Variants in QTMAN observed in about 807,000 individuals in gnomAD.
QTMAN encodes the protein queuosine-tRNA mannosyltransferase, also known as tRNA-queuosine alpha-mannosyltransferase.
At chr2:144,126,309 G>GAAAC in the QTMAN span, among the ~76,000 whole-genome samples, 51 of 151,162 alleles carry the variant, frequency 3.4e-4, no homozygotes, top group South Asian at 1.3e-3. Flanking sequence ...ATAACAACAA[G>GAAAC]AAACAAACAA....
the QTMAN span, among the ~76,000 whole-genome samples, chr2:143,968,270 C>G: frequency 6.6e-6 from 1 of 152,160 alleles, no homozygotes; most frequent in Non-Finnish European, 1.5e-5. Flanking sequence ...ATATGCTATC[C>G]CTTCCTGTGG....
chr2:144,206,276 T>C, the QTMAN span, among the ~76,000 whole-genome samples: 22,948 of 152,146 alleles, frequency 0.15, 2,800 homozygotes, highest in African/African-American at 0.34. Context: ...TTTCATGCAC[T>C]AAATATACAA....
the QTMAN span, among the ~76,000 whole-genome samples, chr2:144,078,296 A>T: frequency 6.6e-6 from 1 of 152,244 alleles, no homozygotes; most frequent in Non-Finnish European, 1.5e-5. Flanking sequence ...GTGTCACTAT[A>T]GTCCTACACT....
the QTMAN span, among the ~76,000 whole-genome samples, chr2:144,191,559 T>C: frequency 6.6e-6 from 1 of 152,298 alleles, no homozygotes; most frequent in East Asian, 1.9e-4. Context: ...AAAGAATACA[T>C]TATAAATTTT....
chr2:144,118,829 C>T, the QTMAN span, among the ~76,000 whole-genome samples: 32 of 152,128 alleles, frequency 2.1e-4, no homozygotes, highest in Admixed American at 1.4e-3. Flanking sequence ...TGCAGTGAGC[C>T]GAGATCGCAC....
At chr2:144,009,452 C>T in the QTMAN span, among the ~76,000 whole-genome samples, 1 of 152,210 alleles carries the variant, frequency 6.6e-6, no homozygotes, top group Admixed American at 6.5e-5. Flanking sequence ...GAAACAAGGT[C>T]TTTGGCTGTA....
the QTMAN span, among the ~76,000 whole-genome samples, chr2:143,990,075 G>A: frequency 0.04 from 6,078 of 152,006 alleles, 236 homozygotes; most frequent in East Asian, 0.17. Context: ...TATTTACTAT[G>A]TGCAGCCAGG....
the QTMAN span, chr2:144,317,351 C>G: frequency 1.8e-5 from 2 of 113,186 alleles, no homozygotes; most frequent in Non-Finnish European, 1.7e-5. Context: ...TGGTATGCAA[C>G]AAGATCTTCA....
At chr2:144,215,683 A>G in the QTMAN span, among the ~76,000 whole-genome samples, 2 of 152,314 alleles carry the variant, frequency 1.3e-5, no homozygotes, top group South Asian at 4.1e-4. Context: ...AATTCGTTCT[A>G]CTGAATACTA....
the QTMAN span, among the ~76,000 whole-genome samples, chr2:143,970,110 T>C: frequency 6.6e-6 from 1 of 152,202 alleles, no homozygotes; most frequent in South Asian, 2.1e-4. Flanking sequence ...AAAGGCTCCG[T>C]GTGGCATTAA....
chr2:144,231,675 T>C, the QTMAN span, among the ~76,000 whole-genome samples: 2 of 152,212 alleles, frequency 1.3e-5, no homozygotes, highest in East Asian at 1.9e-4. Context: ...AATAAATAAA[T>C]AGGACAATTC....
the QTMAN span, among the ~76,000 whole-genome samples, chr2:144,284,788 T>C: frequency 6.6e-6 from 1 of 152,116 alleles, no homozygotes; most frequent in Non-Finnish European, 1.5e-5. Context: ...ATGCCAACAC[T>C]TTAGGACGCC....
At chr2:144,265,065 T>C in the QTMAN span, among the ~76,000 whole-genome samples, 3 of 152,230 alleles carry the variant, frequency 2.0e-5, no homozygotes, top group Non-Finnish European at 2.9e-5. Flanking sequence ...GACAGTTGTA[T>C]TTCTCATTGG....
chr2:144,330,863 T>C, the QTMAN span, among the ~76,000 whole-genome samples: 1 of 152,208 alleles, frequency 6.6e-6, no homozygotes, highest in Non-Finnish European at 1.5e-5. Flanking sequence ...TATAAAATAA[T>C]GGGATTGGAT....
the QTMAN span, among the ~76,000 whole-genome samples, chr2:144,277,251 T>C: frequency 2.6e-5 from 4 of 152,278 alleles, no homozygotes; most frequent in East Asian, 1.9e-4. Flanking sequence ...ATTATACACA[T>C]GGCTTGCATT....
chr2:143,951,438 G>A, the QTMAN span, among the ~76,000 whole-genome samples: 1 of 151,516 alleles, frequency 6.6e-6, no homozygotes, highest in African/African-American at 2.4e-5. Flanking sequence ...ATTCAGAGAT[G>A]AGACTGACAT....
At chr2:144,099,392 G>A in the QTMAN span, among the ~76,000 whole-genome samples, 3 of 152,184 alleles carry the variant, frequency 2.0e-5, no homozygotes, top group Non-Finnish European at 4.4e-5. Context: ...AGTAGGAAGA[G>A]AGTTGGAAAA....
the QTMAN span, among the ~76,000 whole-genome samples, chr2:144,272,564 T>C: frequency 3.3e-5 from 5 of 152,168 alleles, no homozygotes; most frequent in South Asian, 6.2e-4. Flanking sequence ...ATACCCCATA[T>C]GTTGCTAATA....
At chr2:144,199,275 C>T in the QTMAN span, among the ~76,000 whole-genome samples, 1 of 152,148 alleles carries the variant, frequency 6.6e-6, no homozygotes, top group Non-Finnish European at 1.5e-5. Flanking sequence ...TCTCGAACTC[C>T]TGACCCCAGG....
Sources: allele counts gnomAD v4.1 joint callset (sites outside exome capture counted in the v4.1 genomes callset), GRCh38; gene constraint gnomAD v4.1.1; transcripts MANE v1.5; gene names NCBI Gene and HGNC (gene_info 2026-07-23, HGNC 2026-07-21).